The following COLGALT1 variants were observed in gnomAD, a reference collection of about 807,000 sequenced individuals.
COLGALT1 encodes the protein collagen beta(1-O)galactosyltransferase 1, also known as procollagen galactosyltransferase 1.
A neutral mutation model predicts 60.8 loss-of-function variants in COLGALT1; 43 were observed. The ratio of observed to expected loss-of-function variants is 0.71; its 90% CI spans 0.55 to 0.91. The LOEUF is 0.91. Among genes scored for constraint, COLGALT1 ranks in the 40% least tolerant of loss-of-function variants. COLGALT1 has a pLI of 0.00. For missense variants in COLGALT1, 845 were observed against 880.0 expected, an observed-to-expected ratio of 0.96 and a Z score of 0.50; for synonymous variants, 369 against 374.2, an observed-to-expected ratio of 0.99 and a Z score of 0.16.
Position 17,583,144 on chromosome 19 carries a change from C to A in COLGALT1, c.*1700C>A, listed in dbSNP as rs1181036068. 1 of 152,182 alleles carries A rather than the reference C, an allele frequency of 6.6e-6. No homozygotes were observed. Among genetic ancestry groups the A allele is most frequent in the Non-Finnish European group, 1.5e-5 (1 of 68,030 alleles). The allele number at this position is 152,182 out of a possible 1,614,324, so 9.4% of individuals were successfully genotyped here. A position where few individuals can be genotyped will look rare whatever the true frequency, so the allele number is the denominator to read the frequency against. On this transcript the variant is annotated 3_prime_UTR_variant, in exon 12 of 12. Transcript: ENST00000252599. ...TTGCTTAGTTTTTTAATAAATGTTC[C>A]TGGTTGGTTTTCACAGCAGTTTGTG...
intron 6 of COLGALT1, 191 bp from the exon 7 acceptor site, chr19:17,577,004 T>TGGGGGCGGGGGGGAGCTGTGGCC: frequency 3.3e-6 from 1 of 307,172 alleles, no homozygotes; most frequent in Non-Finnish European, 6.1e-6. Context: ...GGCCAGGGCT[T>TGGGGGCGGGGGGGAGCTGTGGCC]TGGGCTGCTG....
chr19:17,572,919 G>A (rs544804608), intron 6 of COLGALT1, among the ~76,000 whole-genome samples: 3 of 152,300 alleles, frequency 2.0e-5, no homozygotes, highest in South Asian at 2.1e-4. Flanking sequence ...GGCAAAGGCC[G>A]GGAGGCTGGA....
At chr19:17,569,008 C>G (rs2076296598) in intron 5 of COLGALT1, among the ~76,000 whole-genome samples, 2 of 152,070 alleles carry the variant, frequency 1.3e-5, no homozygotes, top group Non-Finnish European at 2.9e-5. Flanking sequence ...GCGGGTGGAT[C>G]ATTTGAGGTC....
In COLGALT1 at chr19:17,555,803, C is replaced by T. The variant is rs1365938802; in HGVS notation, c.90C>T (p.Ala30=). The T allele has an allele frequency of 8.0e-7, 1 of 1,253,136 alleles. No individual in the cohort carries two copies. The highest frequency in any genetic ancestry group is 3.0e-5 in the South Asian group (1 of 33,756). 77.6% of individuals were successfully genotyped at this position (1,253,136 alleles called of 1,614,324 possible). A position where few individuals can be genotyped will look rare whatever the true frequency, so the allele number is the denominator to read the frequency against. ...LLLLAPLPPG[A]PPGADAYFPE... ...TGCTGGCGCCACTGCCGCCGGGGGC[C>T]CCGCCGGGCGCCGACGCCTACTTCC... is the stretch of plus-strand genomic sequence containing the variant. The change falls in exon 1 of 12, where the codon GCC becomes GCT. Residue 30 remains alanine (A), a synonymous_variant. Coordinates refer to ENST00000252599, the MANE Select transcript of COLGALT1 (RefSeq NM_024656.4).
chr19:17,570,293 G>A (rs4808669), intron 5 of COLGALT1, among the ~76,000 whole-genome samples: 36,522 of 152,106 alleles, frequency 0.24, 5,214 homozygotes, highest in Middle Eastern at 0.33. Flanking sequence ...AGCCTGGAGT[G>A]CAGTGGTGTG....
intron 1 of COLGALT1, among the ~76,000 whole-genome samples, chr19:17,557,393 C>T (rs754856560): frequency 3.3e-5 from 5 of 152,094 alleles, no homozygotes; most frequent in African/African-American, 7.2e-5. Flanking sequence ...CCTCCGCCTC[C>T]GGGTTCAAGT....
chr19:17,560,758 A>G (rs2076244138), intron 3 of COLGALT1, among the ~76,000 whole-genome samples: 1 of 151,618 alleles, frequency 6.6e-6, no homozygotes, highest in African/African-American at 2.4e-5. Flanking sequence ...TTTGAGACAG[A>G]GACTCACTCT....
intron 10 of COLGALT1, 200 bp from the exon 11 acceptor site, chr19:17,580,499 T>C: frequency 1.7e-6 from 1 of 605,246 alleles, no homozygotes. Flanking sequence ...CCTCACGCCC[T>C]TTGGAAAAAC....
chr19:17,571,184 G>A (rs1355598333), intron 5 of COLGALT1, among the ~76,000 whole-genome samples: 2 of 152,050 alleles, frequency 1.3e-5, no homozygotes, highest in African/African-American at 4.8e-5. Context: ...TTGGGAGGGT[G>A]AGGTGGGTGG....
At chr19:17,577,665 A>T (rs916261908) in intron 8 of COLGALT1, among the ~76,000 whole-genome samples, 198 bp downstream of exon 8, 1 of 152,122 alleles carries the variant, frequency 6.6e-6, no homozygotes, top group African/African-American at 2.4e-5. Flanking sequence ...AGACCATGGA[A>T]GGCAAGTGAG....
chr19:17,581,183 G>A lies in COLGALT1; in HGVS notation c.1608G>A (p.Glu536=). 1.2e-6 allele frequency: 2 copies of A among 1,605,878 alleles called. No individual in the cohort carries two copies. Among genetic ancestry groups the A allele is most frequent in the South Asian group, 1.1e-5 (1 of 90,866 alleles). The change falls in exon 12 of 12, where the codon GAG becomes GAA. Residue 536 remains glutamate, a synonymous_variant. Coordinates refer to ENST00000252599, the MANE Select transcript of COLGALT1 (RefSeq NM_024656.4). ...PVMFDKHPVS[E]YKAHFSLRNL... ...CCCCTCCTCCTCCCCCCAGGTCCGAGTACAAGGCCCACTTCTCCCTCCGCA... is the reference window on the plus strand; with the variant it reads ...CCCCTCCTCCTCCCCCCAGGTCCGAATACAAGGCCCACTTCTCCCTCCGCA...
chr19:17,576,232 A>C (rs767778121), intron 6 of COLGALT1, among the ~76,000 whole-genome samples: 3 of 152,130 alleles, frequency 2.0e-5, no homozygotes, highest in Non-Finnish European at 4.4e-5. Flanking sequence ...TTAGGGCAGC[A>C]AGGATGCGAG....
rs2076206430 is a variant in COLGALT1, at chr19:17,555,763, C to CGCTGCTGCT, written c.51_59dup (p.Leu21_Leu23dup). 4.9e-6 allele frequency: 6 copies of CGCTGCTGCT among 1,226,682 alleles called. No individual in the cohort carries two copies. Among genetic ancestry groups the CGCTGCTGCT allele is most frequent in the Admixed American group, 4.3e-5 (1 of 23,144 alleles). 76.0% of individuals were successfully genotyped at this position (1,226,682 alleles called of 1,614,324 possible). The stretch of plus-strand genomic sequence containing the variant: ...CGGCGGCGCGGGCAGCCGCTCCTGG[C>CGCTGCTGCT]GCTGCTGCTTCTGCTGCTGGCGCCA... On this transcript the variant is annotated inframe_insertion, in exon 1 of 12. Transcript: ENST00000252599.
intron 6 of COLGALT1, among the ~76,000 whole-genome samples, chr19:17,573,677 AAT>A (rs1400768167): frequency 6.6e-6 from 1 of 152,168 alleles, no homozygotes; most frequent in Admixed American, 6.5e-5. Context: ...CAGCCTGGGC[AAT>A]AGAGTAAGTC....
chr19:17,580,491 T>C, intron 10 of COLGALT1: 1 of 599,202 alleles, frequency 1.7e-6, no homozygotes, highest in Non-Finnish European at 3.0e-6. Flanking sequence ...CATGGCTCCC[T>C]CACGCCCTTT....
intron 6 of COLGALT1, among the ~76,000 whole-genome samples, chr19:17,575,706 G>A (rs2076336897): frequency 6.7e-6 from 1 of 149,794 alleles, no homozygotes; most frequent in Non-Finnish European, 1.5e-5. Context: ...TGGAGATGGA[G>A]TCTCTGTCAC....
At chr19:17,556,583 C>G in intron 1 of COLGALT1, 3 of 972,252 alleles carry the variant, frequency 3.1e-6, no homozygotes, top group Non-Finnish European at 3.7e-6. Flanking sequence ...AAACCTTTGA[C>G]TGGTGACTTC....
In COLGALT1 at chr19:17,568,633, T is replaced by C. The variant is rs879703663; in HGVS notation, c.749T>C (p.Leu250Pro). Reference protein sequence around the residue: ...IDLRKAASRNLAFYPPHPDYT... With the variant: ...IDLRKAASRNPAFYPPHPDYT... Reference sequence around the variant, plus strand: ...CTGCGGAAGGCGGCGTCCAGGAACCTGGCCTTCTACCCACCTCACCCTGAC... The same window carrying C: ...CTGCGGAAGGCGGCGTCCAGGAACCCGGCCTTCTACCCACCTCACCCTGAC... Residue 250 changes from leucine to proline, a missense_variant, in exon 5 of 12, where the codon CTG (leucine) becomes CCG (proline). Coordinates refer to ENST00000252599, the MANE Select transcript of COLGALT1 (RefSeq NM_024656.4). 8.1e-6 allele frequency: 13 copies of C among 1,614,092 alleles called. No individual in the cohort carries two copies. Among genetic ancestry groups the C allele is most frequent in the Non-Finnish European group, 1.1e-5 (13 of 1,180,038 alleles).
At chr19:17,562,578 C>G (rs1287215911) in intron 3 of COLGALT1, among the ~76,000 whole-genome samples, 1 of 151,864 alleles carries the variant, frequency 6.6e-6, no homozygotes, top group East Asian at 1.9e-4. Flanking sequence ...AGGAGAATGT[C>G]TTGAACCCGG....
Sources: allele counts gnomAD v4.1 joint callset (sites outside exome capture counted in the v4.1 genomes callset), GRCh38; gene constraint gnomAD v4.1.1; transcripts MANE v1.5; gene names NCBI Gene and HGNC (gene_info 2026-07-23, HGNC 2026-07-21).